Variants in ZNF862 observed in about 807,000 individuals in gnomAD.
The protein encoded by ZNF862 is zinc finger protein 862.
In ZNF862, 64 loss-of-function variants were observed where a neutral mutation model predicts 91.1. The observed-to-expected ratio is 0.70, with a 90% CI of 0.57 to 0.87. The LOEUF is 0.87. Ranked by LOEUF, ZNF862 falls within the 40% of genes least tolerant of loss-of-function variation. The pLI is 0.00. For missense variants in ZNF862, 1,459 were observed against 1,528.0 expected, an observed-to-expected ratio of 0.95 and a Z score of 0.75; for synonymous variants, 631 against 618.1, an observed-to-expected ratio of 1.02 and a Z score of -0.31.
At chr7:149,860,234 G>C in intron 6 of ZNF862, 149 bp from the exon 7 acceptor site, 2 of 714,382 alleles carry the variant, frequency 2.8e-6, no homozygotes, top group East Asian at 5.4e-5. Flanking sequence ...GAGGGTTTAA[G>C]TGGACGCCAC....
rs928564003 is a variant in ZNF862 at position 149,850,644 on chromosome 7, C to G, written c.1117+306C>G. 7.3e-6 allele frequency: 2 copies of G among 272,204 alleles called. No homozygotes were observed. The highest frequency in any genetic ancestry group is 1.4e-5 in the Non-Finnish European group (2 of 143,858). 16.9% of individuals were successfully genotyped at this position (272,204 alleles called of 1,614,324 possible). Reference sequence around the variant, plus strand: ...GGGCCTAGCACGTTTGTGGGAGAGACAGACATTTTAATAAGAAACTATAAA... The same window carrying G: ...GGGCCTAGCACGTTTGTGGGAGAGAGAGACATTTTAATAAGAAACTATAAA... On this transcript the variant is annotated intron_variant, in intron 5 of 7. Transcript: ENST00000223210. This position sits in a 1 kb window ranked among gnomAD's most constrained non-coding sequence, Gnocchi z 4.2.
At chr7:149,845,182 T>G (rs1801829884) in intron 2 of ZNF862, 1 of 158,544 alleles carries the variant, frequency 6.3e-6, no homozygotes, top group Non-Finnish European at 1.4e-5. Flanking sequence ...TTTTTAAGCC[T>G]GAATTTCCAT....
Position 149,862,038 on chromosome 7 carries a change from G to A in ZNF862, c.2878G>A (p.Glu960Lys), listed in dbSNP as rs546595509. 2 of 1,613,854 alleles carry A rather than the reference G, an allele frequency of 1.2e-6. No individual in the cohort carries two copies. The highest frequency in any genetic ancestry group is 1.7e-6 in the Non-Finnish European group (2 of 1,179,906). ...CACCATGGCCTGGCCAAGTGGGATT[G>A]AACTTGCCAGTTTTGGGAATGATGA... Reference protein sequence around the residue: ...FDTMAWPSGIELASFGNDDIL... With the variant: ...FDTMAWPSGIKLASFGNDDIL... The change falls in exon 7 of 8, where the codon GAA (glutamate) becomes AAA (lysine). Residue 960 changes from glutamate to lysine, a missense_variant. By Grantham distance (56) the Glu-to-Lys change is moderately conservative. Transcript: ENST00000223210.
In ZNF862 at chr7:149,867,063, G is replaced by C. The variant is rs184687416; in HGVS notation, c.*2779G>C. ...CTTGCCTGTAGTCTTGACAGCATCC[G>C]TATGTACGTGTCCTGGCATTTCCCC... On this transcript the variant is annotated 3_prime_UTR_variant, in exon 8 of 8. Coordinates refer to ENST00000223210, the MANE Select transcript of ZNF862 (RefSeq NM_001099220.3). 1 of 152,232 alleles carries C rather than the reference G, an allele frequency of 6.6e-6. No homozygotes were observed. Among genetic ancestry groups the C allele is most frequent in the African/African-American group, 2.4e-5 (1 of 41,430 alleles). 9.4% of individuals were successfully genotyped at this position (152,232 alleles called of 1,614,324 possible).
chr7:149,850,072 G>A lies in ZNF862; in HGVS notation c.940-89G>A. The A allele has an allele frequency of 7.1e-7, 1 of 1,406,812 alleles. No individual in the cohort carries two copies. The highest frequency in any genetic ancestry group is 9.8e-7 in the Non-Finnish European group (1 of 1,020,716). 87.1% of individuals were successfully genotyped at this position (1,406,812 alleles called of 1,614,324 possible). A position where few individuals can be genotyped will look rare whatever the true frequency, so the allele number is the denominator to read the frequency against. Reference sequence around the variant, plus strand: ...CTGGGCCTCTTGGTGAGCTTCCCAGGAGAAATAGGGCTTCCAAAGGCCCCA... The same window carrying A: ...CTGGGCCTCTTGGTGAGCTTCCCAGAAGAAATAGGGCTTCCAAAGGCCCCA... On this transcript the variant is annotated intron_variant, in intron 4 of 7. Coordinates refer to ENST00000223210, the MANE Select transcript of ZNF862 (RefSeq NM_001099220.3). This position sits in a 1 kb window ranked among gnomAD's most constrained non-coding sequence, Gnocchi z 4.2.
Position 149,854,128 on chromosome 7 carries a change from G to A in ZNF862, c.1117+3790G>A, listed in dbSNP as rs1214713313. On this transcript the variant is annotated intron_variant, in intron 5 of 7. Transcript: ENST00000223210. ...GCTTATAAAACAATTGCATCCTCCC[G>A]TTCACCGCTGAGCGTGTCAGCTCTG... Among the ~76,000 whole-genome samples the A allele has an allele frequency of 4.6e-5, 7 of 152,106 alleles. No individual in the cohort carries two copies. The East Asian group carries it at 7.7e-4, about 17-fold the overall frequency.
At chr7:149,848,799 A>G (rs190191810) in intron 4 of ZNF862, among the ~76,000 whole-genome samples, 1 of 152,290 alleles carries the variant, frequency 6.6e-6, no homozygotes, top group Non-Finnish European at 1.5e-5. Context: ...TAAGTAGTCA[A>G]TATTTAAATT....
At position 149,865,431 on chromosome 7, in the gene ZNF862, A is replaced by G. The variant is rs1802680734; in HGVS notation, c.*1147A>G. The G allele has an allele frequency of 6.6e-6, 1 of 152,026 alleles. No homozygotes were observed. The allele number at this position is 152,026 out of a possible 1,614,324, so 9.4% of individuals were successfully genotyped here. A position where few individuals can be genotyped will look rare whatever the true frequency, so the allele number is the denominator to read the frequency against. On this transcript the variant is annotated 3_prime_UTR_variant, in exon 8 of 8. Coordinates refer to ENST00000223210, the MANE Select transcript of ZNF862 (RefSeq NM_001099220.3). The stretch of plus-strand genomic sequence containing the variant: ...GCGCTCAGTGACAAGGGCTTTGAAC[A>G]ACCTCCTCCAGGGACTTTGGGCCTG...
chr7:149,844,527 C>A, intron 1 of ZNF862, 98 bp from the exon 2 acceptor site: 1 of 751,454 alleles, frequency 1.3e-6, no homozygotes, highest in South Asian at 1.7e-5. Flanking sequence ...TTGACAACAC[C>A]CCTCCCCGTG....
At position 149,861,375 on chromosome 7, in the gene ZNF862, A is replaced by G; in HGVS notation, c.2215A>G (p.Ser739Gly). 1 of 1,612,988 alleles carries G rather than the reference A, an allele frequency of 6.2e-7. No homozygotes were observed. The highest frequency in any genetic ancestry group is 8.5e-7 in the Non-Finnish European group (1 of 1,179,900). The change falls in exon 7 of 8, where the codon AGC (serine) becomes GGC (glycine). Residue 739 changes from serine to glycine, a missense_variant. Transcript: ENST00000223210. This position sits in a 1 kb window ranked among gnomAD's most constrained non-coding sequence, Gnocchi z 6.7. ...CCTGGCTGTGGTGGACGCCTGCGGG[A>G]GCATCGATCTGGTGAAGAAGTGTGA... ...LHLAVVDACG[S>G]IDLVKKCDRH... is the part of the protein sequence containing the mutation.
chr7:149,867,464 A>C lies in ZNF862; in HGVS notation c.*3180A>C, dbSNP rs1242953538. On this transcript the variant is annotated 3_prime_UTR_variant, in exon 8 of 8. Coordinates refer to ENST00000223210, the MANE Select transcript of ZNF862 (RefSeq NM_001099220.3). ...ACCTTTTGCTACCTGAATAAAGCAG[A>C]GTCTATTTCAACACATCTCTGTCTT... 6.6e-6 allele frequency: 1 copy of C among 152,202 alleles called. No individual in the cohort carries two copies. The highest frequency in any genetic ancestry group is 2.4e-5 in the African/African-American group (1 of 41,436). 9.4% of individuals were successfully genotyped at this position (152,202 alleles called of 1,614,324 possible). A position where few individuals can be genotyped will look rare whatever the true frequency, so the allele number is the denominator to read the frequency against.
At chr7:149,849,042 C>T (rs1481943775) in intron 4 of ZNF862, among the ~76,000 whole-genome samples, 1 of 152,208 alleles carries the variant, frequency 6.6e-6, no homozygotes, top group African/African-American at 2.4e-5. Flanking sequence ...CTCAACCAGT[C>T]CTCCTACCTC....
In ZNF862 at chr7:149,848,322, A is replaced by G; in HGVS notation, c.829A>G (p.Met277Val). ...TGGGGGGGATGGAGCAATTCCTGCA[A>G]TGTATCTAGACTGCATTTCAGATTT... ...DPGGDGAIPA[M>V]YLDCISDLRQ... The change falls in exon 4 of 8, where the codon ATG (methionine) becomes GTG (valine). Residue 277 changes from methionine (M) to valine (V), a missense_variant. Coordinates refer to ENST00000223210, the MANE Select transcript of ZNF862 (RefSeq NM_001099220.3). 1 of 1,608,060 alleles carries G rather than the reference A, an allele frequency of 6.2e-7. No individual in the cohort carries two copies.
Position 149,860,690 on chromosome 7 carries a change from T to C in ZNF862, c.1530T>C (p.Pro510=), listed in dbSNP as rs1179067102. The C allele has an allele frequency of 6.2e-7, 1 of 1,613,942 alleles. No individual in the cohort carries two copies. The highest frequency in any genetic ancestry group is 1.7e-5 in the Admixed American group (1 of 60,032). The part of the protein sequence containing the change: ...SSRLVRGYTG[P]FKVETLKYHE... ...GGTTAGTCAGAGGTTACACGGGGCC[T>C]TTTAAAGTGGAGACTTTAAAATACC... The change falls in exon 7 of 8, where the codon CCT becomes CCC. Residue 510 remains proline (P), a synonymous_variant. Coordinates refer to ENST00000223210, the MANE Select transcript of ZNF862 (RefSeq NM_001099220.3).
At chr7:149,840,187 T>TAAAAAAAAAAAAAAAAAAAAAAA (rs60721842) in intron 1 of ZNF862, among the ~76,000 whole-genome samples, 2 of 41,250 alleles carry the variant, frequency 4.8e-5, no homozygotes, top group Admixed American at 4.3e-4. Context: ...GCTTAAAAAG[T>TAAAAAAAAAAAAAAAAAAAAAAA]AAAAAAAAAA....
Position 149,860,368 on chromosome 7 carries a change from C to G in ZNF862, c.1223-15C>G. On this transcript the variant is annotated splice_polypyrimidine_tract_variant and intron_variant, in intron 6 of 7. Transcript: ENST00000223210. ...CTGGGTAGCAGAACCAAGCATGATT[C>G]AATTTTCTCCAAAGGGAACAAGAAG... 2.5e-6 allele frequency: 4 copies of G among 1,594,508 alleles called. No individual in the cohort carries two copies. The highest frequency in any genetic ancestry group is 3.4e-6 in the Non-Finnish European group (4 of 1,170,102).
chr7:149,841,029 G>A (rs1801684394), intron 1 of ZNF862: 1 of 985,174 alleles, frequency 1.0e-6, no homozygotes, highest in African/African-American at 1.7e-5. Context: ...TTGATTTTAG[G>A]GTATCTCAGA....
intron 1 of ZNF862, chr7:149,841,424 T>C: frequency 1.0e-6 from 1 of 984,016 alleles, no homozygotes; most frequent in Non-Finnish European, 1.2e-6. Flanking sequence ...CATGATCCTG[T>C]TTTATTTTCT....
In ZNF862 at chr7:149,850,473, C is replaced by T; in HGVS notation, c.1117+135C>T. On this transcript the variant is annotated intron_variant, in intron 5 of 7. Transcript: ENST00000223210. This position sits in a 1 kb window ranked among gnomAD's most constrained non-coding sequence, Gnocchi z 4.2. ...AGGCAGAGACCGATCCTGTCTTTTGCACCTCATAACTCCCCTGCTTGGGGT... is the reference window on the plus strand; with the variant it reads ...AGGCAGAGACCGATCCTGTCTTTTGTACCTCATAACTCCCCTGCTTGGGGT... The T allele has an allele frequency of 2.3e-6, 2 of 852,394 alleles. No individual in the cohort carries two copies. The highest frequency in any genetic ancestry group is 1.8e-5 in the South Asian group (1 of 55,234). 52.8% of individuals were successfully genotyped at this position (852,394 alleles called of 1,614,324 possible). A position where few individuals can be genotyped will look rare whatever the true frequency, so the allele number is the denominator to read the frequency against.
Sources: allele counts gnomAD v4.1 joint callset (sites outside exome capture counted in the v4.1 genomes callset), GRCh38; gene constraint gnomAD v4.1.1; non-coding constraint Gnocchi (gnomAD v3.1); transcripts MANE v1.5; gene names NCBI Gene and HGNC (gene_info 2026-07-23, HGNC 2026-07-21).